The following FSD2 variants were observed in gnomAD, a reference collection of about 807,000 sequenced individuals.
FSD2 encodes the protein fibronectin type III and SPRY domain-containing protein 2.
A neutral mutation model predicts 80.4 loss-of-function variants in FSD2; 71 were observed. The ratio of observed to expected loss-of-function variants is 0.88; its 90% confidence interval spans 0.73 to 1.08. The LOEUF (loss-of-function observed/expected upper bound fraction) is 1.08. Among genes scored for constraint, FSD2 ranks in the 50% least tolerant of loss-of-function variants. FSD2 has a pLI of 0.00. For missense variants in FSD2, 923 were observed against 913.8 expected (o/e 1.01, Z -0.13); for synonymous variants, 361 against 329.5 (o/e 1.10, Z -1.03).
Position 82,756,177 on chromosome 15 carries a change from A to C in FSD2, c.*3171T>G, listed in dbSNP as rs2049173530. 2 of 303,288 alleles carry C rather than the reference A, an allele frequency of 6.6e-6. No individual in the cohort carries two copies. The highest frequency in any genetic ancestry group is 1.4e-5 in the Non-Finnish European group (2 of 147,672). The allele number at this position is 303,288 out of a possible 1,614,324, so 18.8% of individuals were successfully genotyped here. A position where few individuals can be genotyped will look rare whatever the true frequency, so the allele number is the denominator to read the frequency against. On this transcript the variant is annotated 3_prime_UTR_variant, in exon 13 of 13. Transcript: ENST00000334574. ...AACATGTGAGAATCTTGCTCTACTA[A>C]TTGATAGGAAGGTGACTAGAAATTG...
At chr15:82,771,660 T>C (rs888601214) in intron 7 of FSD2, among the ~76,000 whole-genome samples, 4 of 152,214 alleles carry the variant, frequency 2.6e-5, no homozygotes, top group African/African-American at 9.6e-5. Flanking sequence ...GGTCTGCAGA[T>C]GAATCCTCCA....
intron 1 of FSD2, among the ~76,000 whole-genome samples, chr15:82,797,384 C>T (rs140523614): frequency 2.6e-5 from 4 of 152,164 alleles, no homozygotes; most frequent in Non-Finnish European, 4.4e-5. Flanking sequence ...AAATGAAAAG[C>T]GGAAAGACAA....
At chr15:82,769,919 A>G (rs2049523106) in intron 7 of FSD2, 35 bp from the exon 8 acceptor site, 2 of 1,610,418 alleles carry the variant, frequency 1.2e-6, no homozygotes, top group Admixed American at 3.3e-5. Context: ...TCAACCCTAA[A>G]AACTGGCCAA....
chr15:82,768,796 C>A, intron 9 of FSD2, 84 bp downstream of exon 9: 1 of 1,243,576 alleles, frequency 8.0e-7, no homozygotes, highest in South Asian at 3.8e-5. Context: ...CCAACCTTCT[C>A]TTCAGACTCC....
At chr15:82,801,166 A>G (rs2050404275) in intron 1 of FSD2, among the ~76,000 whole-genome samples, 1 of 152,134 alleles carries the variant, frequency 6.6e-6, no homozygotes, top group East Asian at 1.9e-4. Context: ...CTTGATTCCT[A>G]TCCTGGGAGA....
At position 82,780,278 on chromosome 15, in the gene FSD2, A is replaced by G. The variant is rs117945791; in HGVS notation, c.967-11T>C. The G allele has an allele frequency of 7.8e-4, 1,153 of 1,475,346 alleles. 21 individuals are homozygous for G. The East Asian group carries it at 0.027, about 34-fold the overall frequency. The allele number at this position is 1,475,346 out of a possible 1,614,324, so 91.4% of individuals were successfully genotyped here. On this transcript the variant is annotated splice_polypyrimidine_tract_variant and intron_variant, in intron 4 of 12. Transcript: ENST00000334574. ...CATAGCCACTGCATCCTAAAAAGGAAAAAGAGAAAATATTAAGTTGATTTT... is the reference window on the plus strand; with the variant it reads ...CATAGCCACTGCATCCTAAAAAGGAGAAAGAGAAAATATTAAGTTGATTTT...
chr15:82,803,571 T>C (rs2050462585), intron 1 of FSD2, among the ~76,000 whole-genome samples: 1 of 152,126 alleles, frequency 6.6e-6, no homozygotes, highest in South Asian at 2.1e-4. Context: ...CACTCTTCCC[T>C]ATCTCACCAC....
chr15:82,778,905 C>T lies in FSD2; in HGVS notation c.990-18G>A. On this transcript the variant is annotated intron_variant, in intron 5 of 12. Transcript: ENST00000334574. ...TCCCGAGTCTGTTGGTATAAAAAGA[C>T]ATGCTGACTAGAATGGAGGGGCATT... 1 of 1,613,672 alleles carries T rather than the reference C, an allele frequency of 6.2e-7. No homozygotes were observed. The highest frequency in any genetic ancestry group is 8.5e-7 in the Non-Finnish European group (1 of 1,179,684).
At chr15:82,793,308 C>G (rs1286415620) in intron 1 of FSD2, among the ~76,000 whole-genome samples, 1 of 151,660 alleles carries the variant, frequency 6.6e-6, no homozygotes, top group Non-Finnish European at 1.5e-5. Flanking sequence ...ACCATGTTGG[C>G]CAGGCTGGTT....
At chr15:82,774,199 A>G (rs939972450) in intron 6 of FSD2, among the ~76,000 whole-genome samples, 1 of 152,060 alleles carries the variant, frequency 6.6e-6, no homozygotes, top group African/African-American at 2.4e-5. Flanking sequence ...CAGTCTCCCA[A>G]GTAACTGGGG....
chr15:82,762,415 G>C, intron 11 of FSD2, 137 bp from the exon 12 acceptor site: 2 of 690,822 alleles, frequency 2.9e-6, no homozygotes, highest in South Asian at 2.1e-5. Flanking sequence ...CACTTAACTT[G>C]TAAAGTACCC....
chr15:82,765,848 A>G, intron 10 of FSD2, 50 bp downstream of exon 10: 1 of 1,563,278 alleles, frequency 6.4e-7, no homozygotes, highest in Non-Finnish European at 8.7e-7. Context: ...TGGGTCTGCC[A>G]CAGAGTGGCC....
At chr15:82,802,667 A>G (rs954714531) in intron 1 of FSD2, among the ~76,000 whole-genome samples, 4 of 152,254 alleles carry the variant, frequency 2.6e-5, no homozygotes, top group Admixed American at 6.5e-5. Context: ...CTTCTTCTCT[A>G]TGGGCCTCTT....
At chr15:82,769,077 C>G (rs1660805214) in intron 8 of FSD2, 47 bp from the exon 9 acceptor site, 1 of 1,450,286 alleles carries the variant, frequency 6.9e-7, no homozygotes, top group Non-Finnish European at 9.1e-7. Flanking sequence ...GTGTTCATTT[C>G]CAGCTGTTTT....
Position 82,765,069 on chromosome 15 carries a change from C to T in FSD2, c.1820+97G>A, listed in dbSNP as rs534907653. The T allele has an allele frequency of 2.8e-5, 39 of 1,382,984 alleles. No individual in the cohort carries two copies. The African/African-American group carries it at 4.1e-4, about 15-fold the overall frequency. The allele number at this position is 1,382,984 out of a possible 1,614,324, so 85.7% of individuals were successfully genotyped here. A position where few individuals can be genotyped will look rare whatever the true frequency, so the allele number is the denominator to read the frequency against. The stretch of plus-strand genomic sequence containing the variant: ...CACTCATTTGTAGGATTCCTTTTCC[C>T]TCGAGGCTGCCTCCGTGCCATATTC... On this transcript the variant is annotated intron_variant, in intron 11 of 12. Coordinates refer to ENST00000334574, the MANE Select transcript of FSD2 (RefSeq NM_001007122.4).
chr15:82,782,379 A>G (rs552834138), intron 4 of FSD2, among the ~76,000 whole-genome samples: 139 of 152,302 alleles, frequency 9.1e-4, no homozygotes, highest in African/African-American at 3.2e-3. Flanking sequence ...CAGCCTGGGC[A>G]ACAGAGTGAG....
chr15:82,782,289 A>G (rs1316946838), intron 4 of FSD2, among the ~76,000 whole-genome samples: 6 of 151,364 alleles, frequency 4.0e-5, no homozygotes, highest in Admixed American at 1.3e-4. Context: ...AGTCCCAGCT[A>G]CTAGGGAGGC....
At chr15:82,785,343 G>A (rs1197235169) in intron 3 of FSD2, among the ~76,000 whole-genome samples, 3 of 131,394 alleles carry the variant, frequency 2.3e-5, no homozygotes, top group African/African-American at 8.9e-5. Flanking sequence ...TTATTTATTT[G>A]AGATGGAGTC....
intron 11 of FSD2, among the ~76,000 whole-genome samples, chr15:82,763,640 C>T (rs1360196779): frequency 6.6e-6 from 1 of 150,922 alleles, no homozygotes; most frequent in East Asian, 2.0e-4. Flanking sequence ...CATGCTACTG[C>T]GTAGTCAAGC....
Sources: gnomAD v4.1 joint callset for allele counts (sites outside exome capture counted in the v4.1 genomes callset) on GRCh38, gnomAD v4.1.1 for gene constraint, MANE v1.5 for transcripts, NCBI Gene and HGNC (gene_info 2026-07-23, HGNC 2026-07-21) for gene names.